CC2D2A: variants seen among roughly 807,000 people sequenced by gnomAD.
CC2D2A encodes the protein coiled-coil and C2 domain-containing protein 2A.
CC2D2A carries 155 observed loss-of-function variants against 212.9 expected under a neutral mutation model. The ratio of observed to expected loss-of-function variants is 0.73; its 90% CI spans 0.64 to 0.83. The LOEUF (loss-of-function observed/expected upper bound fraction) is 0.83. Among genes scored for constraint, CC2D2A ranks in the 40% least tolerant of loss-of-function variants. The probability of loss-of-function intolerance (pLI) is 0.00; values close to 1 mark genes in which losing one functional copy is unlikely to be tolerated. For synonymous variants in CC2D2A, 667 were observed against 686.5 expected (o/e 0.97, Z 0.44); for missense variants, 1,856 against 1,956.2 (o/e 0.95, Z 0.97).
chr4:15,525,828 T>C (rs1295273897), intron 11 of CC2D2A, among the ~76,000 whole-genome samples: 1 of 152,200 alleles, frequency 6.6e-6, no homozygotes, highest in Non-Finnish European at 1.5e-5. Flanking sequence ...TCTAGCCCAG[T>C]GGCTGCAAGG....
Position 15,550,847 on chromosome 4 carries a change from T to C in CC2D2A, c.2205T>C (p.Ser735=). The C allele has an allele frequency of 6.3e-7, 1 of 1,588,212 alleles. No homozygotes were observed. The highest frequency in any genetic ancestry group is 8.6e-7 in the Non-Finnish European group (1 of 1,159,912). ...TLQVYETVGH[S]SPTLLAEVFL... ...AGGTCTATGAAACTGTCGGACACAG[T>C]AGTCCCACCTTGCTAGCAGAAGTGT... Residue 735 remains serine, a synonymous_variant, in exon 18 of 37, where the codon AGT becomes AGC. Transcript: ENST00000424120.
intron 22 of CC2D2A, 63 bp from the exon 23 acceptor site, chr4:15,560,468 T>C: frequency 1.2e-6 from 1 of 809,498 alleles, no homozygotes; most frequent in South Asian, 1.7e-5. Flanking sequence ...AAACTTAGAG[T>C]GTGGAGAGTG....
At chr4:15,507,848 ACTT>A (rs2109003878) in intron 6 of CC2D2A, among the ~76,000 whole-genome samples, 1 of 152,308 alleles carries the variant, frequency 6.6e-6, no homozygotes, top group South Asian at 2.1e-4. Context: ...GTGTTGATGG[ACTT>A]CAGTCTTTCT....
intron 10 of CC2D2A, among the ~76,000 whole-genome samples, chr4:15,516,377 T>C (rs1043165378): frequency 3.9e-5 from 6 of 152,228 alleles, no homozygotes; most frequent in African/African-American, 1.4e-4. Context: ...TAAATTTTTC[T>C]TAAGCACTCA....
At chr4:15,476,648 A>G (rs1395912916) in intron 2 of CC2D2A, among the ~76,000 whole-genome samples, 4 of 152,158 alleles carry the variant, frequency 2.6e-5, no homozygotes, top group Non-Finnish European at 5.9e-5. Flanking sequence ...CAAAGTTACT[A>G]CCTATTATTG....
At chr4:15,513,228 A>G (rs190207565) in intron 8 of CC2D2A, among the ~76,000 whole-genome samples, 130 of 152,344 alleles carry the variant, frequency 8.5e-4, no homozygotes, top group Non-Finnish European at 1.4e-3. Flanking sequence ...TCCTGACATG[A>G]CAGCTAACTT....
At chr4:15,547,059 A>T (rs1038054086) in intron 17 of CC2D2A, among the ~76,000 whole-genome samples, 5 of 152,242 alleles carry the variant, frequency 3.3e-5, no homozygotes, top group Non-Finnish European at 7.3e-5. Flanking sequence ...AATGACAGGT[A>T]TAGAAATGTC....
chr4:15,588,156 C>G (rs1379410511), intron 32 of CC2D2A, among the ~76,000 whole-genome samples: 1 of 152,084 alleles, frequency 6.6e-6, no homozygotes, highest in Non-Finnish European at 1.5e-5. Context: ...TTGGCAAACC[C>G]GAACCCTTTA....
chr4:15,478,019 TTTTTGTTCACCCAGGG>T (rs1259605509), intron 2 of CC2D2A, among the ~76,000 whole-genome samples: 1 of 152,234 alleles, frequency 6.6e-6, no homozygotes, highest in Non-Finnish European at 1.5e-5. Context: ...ATCTTGCAAC[TTTTTGTTCACCCAGGG>T]GCACTTGTGC....
At chr4:15,486,310 T>G (rs1714996853) in intron 4 of CC2D2A, among the ~76,000 whole-genome samples, 1 of 152,118 alleles carries the variant, frequency 6.6e-6, no homozygotes, top group Non-Finnish European at 1.5e-5. Flanking sequence ...GAGAAACACT[T>G]TTTATTACTG....
intron 17 of CC2D2A, among the ~76,000 whole-genome samples, chr4:15,546,915 G>A (rs1036632484): frequency 2.0e-5 from 3 of 152,102 alleles, no homozygotes; most frequent in Non-Finnish European, 4.4e-5. Context: ...TCTAGGAAAT[G>A]TTTACTAAGT....
intron 28 of CC2D2A, among the ~76,000 whole-genome samples, chr4:15,570,727 G>C (rs769867087): frequency 6.6e-6 from 1 of 151,966 alleles, no homozygotes; most frequent in Admixed American, 6.6e-5. Flanking sequence ...GTGGTGGTGC[G>C]CACCTGTAAT....
chr4:15,470,942 G>A (rs2108959097), intron 1 of CC2D2A, among the ~76,000 whole-genome samples: 1 of 152,138 alleles, frequency 6.6e-6, no homozygotes, highest in African/African-American at 2.4e-5. Context: ...TGAGAGGACA[G>A]TGGGATGACA....
chr4:15,590,109 G>A (rs937829856), intron 33 of CC2D2A, among the ~76,000 whole-genome samples: 1 of 152,156 alleles, frequency 6.6e-6, no homozygotes. Context: ...TTTCAAAGGA[G>A]ATTCCCAGGT....
intron 33 of CC2D2A, among the ~76,000 whole-genome samples, chr4:15,591,580 C>G (rs2148490445): frequency 6.6e-6 from 1 of 152,286 alleles, no homozygotes; most frequent in African/African-American, 2.4e-5. Flanking sequence ...GCCAAGCACG[C>G]AGCAAAATAT....
At chr4:15,478,169 G>A (rs1044660822) in intron 2 of CC2D2A, among the ~76,000 whole-genome samples, 2 of 152,186 alleles carry the variant, frequency 1.3e-5, no homozygotes, top group Non-Finnish European at 2.9e-5. Context: ...CGAAGTTTGC[G>A]CTGTTAAAGG....
At chr4:15,552,919 G>A (rs1719081197) in intron 18 of CC2D2A, among the ~76,000 whole-genome samples, 1 of 152,220 alleles carries the variant, frequency 6.6e-6, no homozygotes, top group African/African-American at 2.4e-5. Flanking sequence ...CTGTGAAGCA[G>A]GTGGACCCAC....
intron 13 of CC2D2A, among the ~76,000 whole-genome samples, chr4:15,529,024 A>G (rs558983966): frequency 1.7e-4 from 26 of 152,326 alleles, no homozygotes; most frequent in African/African-American, 6.0e-4. Context: ...TGGACCCAGC[A>G]ATTCTGATTC....
At chr4:15,519,354 T>A in intron 11 of CC2D2A, 1 of 415,880 alleles carries the variant, frequency 2.4e-6, no homozygotes, top group South Asian at 1.8e-5. Flanking sequence ...CATATTATTA[T>A]CAGCATTTTG....
Sources: allele counts gnomAD v4.1 joint callset (sites outside exome capture counted in the v4.1 genomes callset), GRCh38; gene constraint gnomAD v4.1.1; transcripts MANE v1.5; gene names NCBI Gene and HGNC (gene_info 2026-07-23, HGNC 2026-07-21).